MYOM2: variants seen among roughly 807,000 people sequenced by gnomAD.
MYOM2 encodes myomesin-2.
Under a neutral mutation model 187.6 loss-of-function variants are expected in MYOM2, and 254 were observed. The ratio of observed to expected loss-of-function variants is 1.35; its 90% confidence interval spans 1.22 to 1.50. MYOM2 has a LOEUF of 1.50. MYOM2 is among the 40% of genes most tolerant of loss of function. The pLI is 0.00. For synonymous variants in MYOM2, 981 were observed against 753.8 expected, an observed-to-expected ratio of 1.30 and a Z score of -4.94; for missense variants, 2,796 against 1,924.0, an observed-to-expected ratio of 1.45 and a Z score of -8.48.
intron 12 of MYOM2, 44 bp from the exon 13 acceptor site, chr8:2,079,515 GA>G (rs1209972569): frequency 6.2e-7 from 1 of 1,605,658 alleles, no homozygotes. Context: ...GGCTTTTGGG[GA>G]AAACTTCGCA....
At chr8:2,053,800 G>A (rs1300258513) in intron 3 of MYOM2, among the ~76,000 whole-genome samples, 1 of 152,200 alleles carries the variant, frequency 6.6e-6, no homozygotes, top group Non-Finnish European at 1.5e-5. Flanking sequence ...GCTTTGTGTG[G>A]AGCCCACGGC....
At chr8:2,116,303 C>T in intron 27 of MYOM2, 28 bp downstream of exon 27, 2 of 1,598,654 alleles carry the variant, frequency 1.3e-6, no homozygotes, top group Non-Finnish European at 1.7e-6. Flanking sequence ...GACCGGCTCC[C>T]CTGCCCCTAG....
chr8:2,085,092 G>T (rs973559789), intron 13 of MYOM2, 171 bp from the exon 14 acceptor site: 1 of 686,002 alleles, frequency 1.5e-6, no homozygotes, highest in Non-Finnish European at 2.4e-6. Context: ...ATCTTTATTG[G>T]TGCCTTATCC....
At chr8:2,113,431 G>A (rs991919304) in intron 25 of MYOM2, among the ~76,000 whole-genome samples, 1 of 152,196 alleles carries the variant, frequency 6.6e-6, no homozygotes, top group Non-Finnish European at 1.5e-5. Flanking sequence ...GGGAGCAGGT[G>A]AAGGCCTTGG....
intron 14 of MYOM2, among the ~76,000 whole-genome samples, chr8:2,089,232 G>GTTTTTTTTTTTTTTTTTTTTTTTTTT (rs1796208779): frequency 6.6e-6 from 1 of 151,718 alleles, no homozygotes; most frequent in Non-Finnish European, 1.5e-5. Context: ...TGTAATCAAG[G>GTTTTTTTTTTTTTTTTTTTTTTTTTT]TTTTTAAAGT....
At chr8:2,128,021 C>T (rs1231260481) in intron 31 of MYOM2, 2 of 152,062 alleles carry the variant, frequency 1.3e-5, no homozygotes, top group South Asian at 2.1e-4. Context: ...TTTTTTTCCC[C>T]CACATATTTT....
intron 6 of MYOM2, among the ~76,000 whole-genome samples, chr8:2,060,237 A>C (rs1043104075): frequency 6.6e-6 from 1 of 152,170 alleles, no homozygotes; most frequent in African/African-American, 2.4e-5. Flanking sequence ...TTTTGAACTT[A>C]AGGAGCACAC....
rs557348295 is a variant in MYOM2 at position 2,085,292 on chromosome 8, G to A, written c.1546G>A (p.Gly516Ser). 8.1e-6 allele frequency: 13 copies of A among 1,614,138 alleles called. No individual in the cohort carries two copies. The highest frequency in any genetic ancestry group is 1.3e-5 in the African/African-American group (1 of 75,044). ...GDAQVPGPPTGVHASEISRNY... is the reference protein window; with the variant it reads ...GDAQVPGPPTSVHASEISRNY... ...CGCCCAGGTTCCAGGGCCTCCCACC[G>A]GTGTGCACGCTTCCGAGATCAGCAG... is the stretch of plus-strand genomic sequence containing the variant. Residue 516 changes from glycine to serine, a missense_variant, in exon 14 of 37, where the codon GGT becomes AGT. By Grantham distance (56) the Gly-to-Ser change is moderately conservative. Coordinates refer to ENST00000262113, the MANE Select transcript of MYOM2 (RefSeq NM_003970.4).
chr8:2,138,883 C>T (rs1798174934), intron 32 of MYOM2, among the ~76,000 whole-genome samples: 1 of 152,166 alleles, frequency 6.6e-6, no homozygotes, highest in South Asian at 2.1e-4. Context: ...GCCTCTCTGG[C>T]TTAGTGTGCG....
At chr8:2,107,271 G>A (rs1371839610) in intron 23 of MYOM2, among the ~76,000 whole-genome samples, 1 of 152,096 alleles carries the variant, frequency 6.6e-6, no homozygotes, top group African/African-American at 2.4e-5. Flanking sequence ...TAAACGAAGG[G>A]GCAGTGGTGC....
chr8:2,056,026 C>T (rs543174869), intron 3 of MYOM2, among the ~76,000 whole-genome samples: 10 of 152,348 alleles, frequency 6.6e-5, no homozygotes, highest in African/African-American at 2.4e-4. Context: ...GAACCTCCCC[C>T]AGCCTAACTT....
At chr8:2,052,760 A>T (rs572647042) in intron 3 of MYOM2, among the ~76,000 whole-genome samples, 5 of 152,208 alleles carry the variant, frequency 3.3e-5, no homozygotes, top group Non-Finnish European at 7.3e-5. Flanking sequence ...CTCTGTAGCT[A>T]TGCAGGAACA....
intron 6 of MYOM2, among the ~76,000 whole-genome samples, chr8:2,061,911 C>T (rs1430860217): frequency 6.6e-6 from 1 of 152,184 alleles, no homozygotes; most frequent in Non-Finnish European, 1.5e-5. Flanking sequence ...CTTCCAGGTC[C>T]CACTCTCTGG....
intron 31 of MYOM2, among the ~76,000 whole-genome samples, chr8:2,125,741 G>A (rs1197740706): frequency 1.3e-4 from 19 of 149,916 alleles, no homozygotes; most frequent in Non-Finnish European, 7.4e-5. Context: ...CAGAGTAGCT[G>A]GGACTACAGG....
At chr8:2,107,497 C>A (rs1336222178) in intron 23 of MYOM2, among the ~76,000 whole-genome samples, 2 of 152,146 alleles carry the variant, frequency 1.3e-5, no homozygotes, top group African/African-American at 4.8e-5. Context: ...GAACATCCGA[C>A]CCAGGATCGG....
chr8:2,120,688 A>ATAT (rs1491257964), intron 28 of MYOM2, among the ~76,000 whole-genome samples: 1 of 82,550 alleles, frequency 1.2e-5, no homozygotes, highest in African/African-American at 4.4e-5. Flanking sequence ...TATTATATAT[A>ATAT]AATATATAAT....
intron 6 of MYOM2, among the ~76,000 whole-genome samples, chr8:2,063,016 G>C (rs896164370): frequency 2.0e-5 from 3 of 152,150 alleles, no homozygotes; most frequent in African/African-American, 7.2e-5. Context: ...CCTAATATAG[G>C]TCTCCTCTGA....
chr8:2,116,655 AAT>A (rs1797255104), intron 27 of MYOM2, among the ~76,000 whole-genome samples: 2 of 152,216 alleles, frequency 1.3e-5, no homozygotes, highest in Admixed American at 6.5e-5. Context: ...AACTACAAAC[AAT>A]ATGTTTTAAA....
chr8:2,107,721 A>T (rs1796941627), intron 23 of MYOM2, among the ~76,000 whole-genome samples: 1 of 152,180 alleles, frequency 6.6e-6, no homozygotes, highest in Admixed American at 6.5e-5. Flanking sequence ...AGGGTGGGGA[A>T]GGACCCAAAA....
Sources: allele counts gnomAD v4.1 joint callset (sites outside exome capture counted in the v4.1 genomes callset), GRCh38; gene constraint gnomAD v4.1.1; transcripts MANE v1.5; gene names NCBI Gene and HGNC (gene_info 2026-07-23, HGNC 2026-07-21).